Variants in CNTNAP5 observed in about 807,000 individuals in gnomAD.
The protein encoded by CNTNAP5 is contactin-associated protein-like 5.
Under a neutral mutation model 150.2 loss-of-function variants are expected in CNTNAP5, and 72 were observed. The ratio of observed to expected loss-of-function variants is 0.48; its 90% CI spans 0.40 to 0.58. The LOEUF (loss-of-function observed/expected upper bound fraction) is 0.58. CNTNAP5 is among the 20% of genes least tolerant of loss of function. CNTNAP5 has a pLI of 0.00. For missense variants in CNTNAP5, 1,636 were observed against 1,626.2 expected (o/e 1.01, Z -0.10); for synonymous variants, 672 against 619.8 (o/e 1.08, Z -1.25).
chr2:124,737,195 G>A (rs764092722), intron 13 of CNTNAP5, among the ~76,000 whole-genome samples: 15 of 151,846 alleles, frequency 9.9e-5, no homozygotes, highest in Middle Eastern at 3.4e-3. Context: ...GGAGGCTGAG[G>A]CAGGAGAATT....
chr2:124,557,722 G>A (rs181405590), intron 10 of CNTNAP5, among the ~76,000 whole-genome samples: 1 of 152,230 alleles, frequency 6.6e-6, no homozygotes, highest in African/African-American at 2.4e-5. Flanking sequence ...AGATTCCAGG[G>A]AAACAATGAG....
intron 3 of CNTNAP5, among the ~76,000 whole-genome samples, chr2:124,381,957 T>A (rs1197011631): frequency 6.6e-6 from 1 of 152,056 alleles, no homozygotes; most frequent in Non-Finnish European, 1.5e-5. Flanking sequence ...AAGCGTGGTG[T>A]CAGGGAAGCA....
At chr2:124,284,399 C>T (rs1043155472) in intron 3 of CNTNAP5, among the ~76,000 whole-genome samples, 1 of 151,972 alleles carries the variant, frequency 6.6e-6, no homozygotes, top group Non-Finnish European at 1.5e-5. Context: ...CTAGGTTGGC[C>T]AGAAGCTATT....
At chr2:124,100,823 C>T (rs1683046161) in intron 1 of CNTNAP5, among the ~76,000 whole-genome samples, 1 of 146,288 alleles carries the variant, frequency 6.8e-6, no homozygotes, top group South Asian at 2.1e-4. Context: ...TGAGATCACA[C>T]CACTGTACTA....
intron 21 of CNTNAP5, among the ~76,000 whole-genome samples, chr2:124,872,851 T>G (rs1036381188): frequency 1.3e-5 from 2 of 152,022 alleles, no homozygotes; most frequent in Non-Finnish European, 2.9e-5. Context: ...AGCATTCATA[T>G]GACCCTTCAC....
At chr2:124,238,844 A>C (rs1046116718) in intron 2 of CNTNAP5, among the ~76,000 whole-genome samples, 1 of 152,204 alleles carries the variant, frequency 6.6e-6, no homozygotes, top group Non-Finnish European at 1.5e-5. Flanking sequence ...CATTTGTGAA[A>C]GCACATTTAT....
At chr2:124,507,743 A>AG (rs1694448369) in intron 8 of CNTNAP5, among the ~76,000 whole-genome samples, 8 of 152,298 alleles carry the variant, frequency 5.3e-5, no homozygotes, top group Admixed American at 5.2e-4. Context: ...CAAGTCCCCC[A>AG]CAAAAGACAG....
chr2:124,242,182 T>C lies in CNTNAP5; in HGVS notation c.188-18T>C, dbSNP rs1378354841. 15 of 1,563,158 alleles carry C rather than the reference T, an allele frequency of 9.6e-6. No individual in the cohort carries two copies. Among genetic ancestry groups the C allele is most frequent in the Non-Finnish European group, 1.2e-5 (14 of 1,151,634 alleles). On this transcript the variant is annotated intron_variant, in intron 2 of 23. Transcript: ENST00000682447. The stretch of plus-strand genomic sequence containing the variant: ...ACATTACTACAACTCTCTCTCACTC[T>C]CTCTGATCCTGTTCCAGGAACTGGC...
intron 1 of CNTNAP5, among the ~76,000 whole-genome samples, chr2:124,196,256 T>C (rs1196154575): frequency 1.3e-5 from 2 of 152,038 alleles, no homozygotes; most frequent in Non-Finnish European, 2.9e-5. Context: ...CATACTACAG[T>C]GGTTAAAAGC....
At chr2:124,041,594 C>T (rs887094090) in intron 1 of CNTNAP5, among the ~76,000 whole-genome samples, 7 of 152,082 alleles carry the variant, frequency 4.6e-5, no homozygotes, top group African/African-American at 1.7e-4. Context: ...TAGTGGTTTT[C>T]AATCAGATGT....
At chr2:124,337,614 C>T (rs892337309) in intron 3 of CNTNAP5, among the ~76,000 whole-genome samples, 18 of 152,126 alleles carry the variant, frequency 1.2e-4, no homozygotes, top group African/African-American at 4.1e-4. Context: ...TTCCCATCAC[C>T]GTTTATTAAA....
chr2:124,215,310 T>C (rs1350638918), intron 1 of CNTNAP5, among the ~76,000 whole-genome samples: 2 of 152,146 alleles, frequency 1.3e-5, no homozygotes, highest in African/African-American at 2.4e-5. Context: ...TGTAACTCTA[T>C]TGGTATTTTA....
intron 13 of CNTNAP5, among the ~76,000 whole-genome samples, chr2:124,662,116 A>G (rs1678604937): frequency 6.6e-6 from 1 of 152,048 alleles, no homozygotes; most frequent in Non-Finnish European, 1.5e-5. Flanking sequence ...GCTGAGAATG[A>G]TGGTTTCCAG....
intron 3 of CNTNAP5, among the ~76,000 whole-genome samples, chr2:124,321,768 T>C (rs1380919951): frequency 6.6e-6 from 1 of 152,210 alleles, no homozygotes; most frequent in Non-Finnish European, 1.5e-5. Context: ...TTATGTACTC[T>C]GGATCTTTTA....
At chr2:124,179,069 T>G (rs924314003) in intron 1 of CNTNAP5, among the ~76,000 whole-genome samples, 4 of 151,814 alleles carry the variant, frequency 2.6e-5, no homozygotes, top group Non-Finnish European at 5.9e-5. Context: ...ACCCACTCAC[T>G]CCCATTCCAT....
At chr2:124,739,348 A>T (rs757474056) in intron 13 of CNTNAP5, among the ~76,000 whole-genome samples, 1 of 152,184 alleles carries the variant, frequency 6.6e-6, no homozygotes, top group Non-Finnish European at 1.5e-5. Context: ...TCAAAGATGG[A>T]TGAAGTTGTT....
chr2:124,784,536 A>T (rs1327620252), intron 17 of CNTNAP5, among the ~76,000 whole-genome samples: 8 of 152,206 alleles, frequency 5.3e-5, no homozygotes, highest in Non-Finnish European at 1.0e-4. Flanking sequence ...TATCATACAA[A>T]ATTGCTTCTA....
intron 11 of CNTNAP5, among the ~76,000 whole-genome samples, chr2:124,571,652 C>T (rs1247033454): frequency 6.7e-6 from 1 of 148,736 alleles, no homozygotes; most frequent in Non-Finnish European, 1.5e-5. Flanking sequence ...CCTACCTCAG[C>T]CTCCCGAGTA....
chr2:124,135,497 A>C (rs1170574110), intron 1 of CNTNAP5, among the ~76,000 whole-genome samples: 1 of 152,200 alleles, frequency 6.6e-6, no homozygotes, highest in African/African-American at 2.4e-5. Flanking sequence ...ATGGGCTTCA[A>C]GAAAGACTAG....
Sources: gnomAD v4.1 joint callset for allele counts (sites outside exome capture counted in the v4.1 genomes callset) on GRCh38, gnomAD v4.1.1 for gene constraint, MANE v1.5 for transcripts, NCBI Gene and HGNC (gene_info 2026-07-23, HGNC 2026-07-21) for gene names.